The following RBFOX1 variants were observed in gnomAD, a reference collection of about 807,000 sequenced individuals.
RBFOX1 encodes the protein RNA binding protein fox-1 homolog 1.
Under a neutral mutation model 57.7 loss-of-function variants are expected in RBFOX1, and 8 were observed. The observed-to-expected ratio is 0.14, with a 90% CI of 0.08 to 0.25. The LOEUF (loss-of-function observed/expected upper bound fraction) is 0.25. Ranked by LOEUF, RBFOX1 falls within the 10% of genes least tolerant of loss-of-function variation. The probability of loss-of-function intolerance (pLI) is 1.00; values close to 1 mark genes in which losing one functional copy is unlikely to be tolerated. For synonymous variants in RBFOX1, 326 were observed against 222.4 expected, an observed-to-expected ratio of 1.47 and a Z score of -4.15; for missense variants, 611 against 548.5, an observed-to-expected ratio of 1.11 and a Z score of -1.14.
At chr16:6,100,397 C>A (rs1176382826) in intron 1 of RBFOX1, among the ~76,000 whole-genome samples, 2 of 152,208 alleles carry the variant, frequency 1.3e-5, no homozygotes, top group Admixed American at 1.3e-4. Context: ...TTCCTGACCG[C>A]GTGATCCGCC....
chr16:7,016,571 G>A (rs1376243213), intron 3 of RBFOX1, among the ~76,000 whole-genome samples: 2 of 152,152 alleles, frequency 1.3e-5, no homozygotes, highest in African/African-American at 2.4e-5. Flanking sequence ...ATCATCTCAC[G>A]TAATTCCTCC....
chr16:5,777,608 C>T (rs1287075451), intron 3 of RBFOX1, among the ~76,000 whole-genome samples: 1 of 152,134 alleles, frequency 6.6e-6, no homozygotes, highest in Non-Finnish European at 1.5e-5. Flanking sequence ...CTCAACCTTC[C>T]TGAGTCTGAG....
intron 4 of RBFOX1, among the ~76,000 whole-genome samples, chr16:5,913,902 C>G (rs971873174): frequency 3.3e-5 from 5 of 152,216 alleles, no homozygotes; most frequent in Admixed American, 1.3e-4. Flanking sequence ...TTTACACCAA[C>G]GCTAAGAGGT....
At chr16:7,052,386 A>G (rs927106204) in intron 4 of RBFOX1, among the ~76,000 whole-genome samples, 1 of 152,212 alleles carries the variant, frequency 6.6e-6, no homozygotes, top group African/African-American at 2.4e-5. Context: ...TTTATGTACA[A>G]CACGAGGTCT....
chr16:7,407,435 C>G (rs548362819), intron 4 of RBFOX1, among the ~76,000 whole-genome samples: 1 of 151,664 alleles, frequency 6.6e-6, no homozygotes, highest in East Asian at 1.9e-4. Context: ...GAATGGCACA[C>G]AGCAAAAAGA....
intron 1 of RBFOX1, chr16:5,260,536 T>A (rs1271061848): frequency 6.6e-6 from 1 of 152,210 alleles, no homozygotes; most frequent in Admixed American, 6.5e-5. Context: ...TTAGCAAAAA[T>A]CAGTTTCTAG....
intron 3 of RBFOX1, among the ~76,000 whole-genome samples, chr16:6,816,195 C>T (rs2090029768): frequency 6.6e-6 from 1 of 152,072 alleles, no homozygotes; most frequent in South Asian, 2.1e-4. Flanking sequence ...CTTGTAATCC[C>T]AGCTCCTTTG....
intron 4 of RBFOX1, among the ~76,000 whole-genome samples, chr16:7,075,365 A>G (rs1469004110): frequency 6.6e-6 from 1 of 152,236 alleles, no homozygotes; most frequent in Non-Finnish European, 1.5e-5. Flanking sequence ...TTGGGAAGTC[A>G]AAAACTTTCA....
intron 2 of RBFOX1, among the ~76,000 whole-genome samples, chr16:5,482,331 A>C (rs892383746): frequency 6.6e-6 from 1 of 151,958 alleles, no homozygotes; most frequent in Non-Finnish European, 1.5e-5. Flanking sequence ...CGGTACTGGG[A>C]GGTAGAGACT....
chr16:6,193,391 ACTATATATATAT>A (rs2097156906), intron 1 of RBFOX1, among the ~76,000 whole-genome samples: 1 of 15,744 alleles, frequency 6.4e-5, no homozygotes, highest in African/African-American at 1.2e-4. Flanking sequence ...ATATATATAT[ACTATATATATAT>A]ATATATATAT....
chr16:5,675,822 C>T (rs2050151290), intron 3 of RBFOX1, among the ~76,000 whole-genome samples: 1 of 152,152 alleles, frequency 6.6e-6, no homozygotes, highest in Non-Finnish European at 1.5e-5. Flanking sequence ...CTGGAAGTTG[C>T]AGCAGACATT....
chr16:6,717,008 C>G (rs2064963162), intron 3 of RBFOX1, among the ~76,000 whole-genome samples: 1 of 152,160 alleles, frequency 6.6e-6, no homozygotes, highest in Non-Finnish European at 1.5e-5. Context: ...GAAGAGCTTG[C>G]TTTCTCTCTT....
intron 1 of RBFOX1, among the ~76,000 whole-genome samples, chr16:5,328,064 G>T (rs28564317): frequency 6.6e-6 from 1 of 152,190 alleles, no homozygotes; most frequent in Admixed American, 6.5e-5. Flanking sequence ...TTGCTTAGGA[G>T]TCCAGGCACC....
intron 3 of RBFOX1, among the ~76,000 whole-genome samples, chr16:6,681,333 A>C (rs1253891754): frequency 6.6e-6 from 1 of 152,150 alleles, no homozygotes; most frequent in African/African-American, 2.4e-5. Context: ...AAAACAAAAA[A>C]ATATATTTTG....
intron 3 of RBFOX1, among the ~76,000 whole-genome samples, chr16:7,041,624 C>T (rs576636565): frequency 6.6e-5 from 10 of 152,238 alleles, no homozygotes; most frequent in African/African-American, 2.2e-4. Flanking sequence ...TCGAAACAGT[C>T]AGTACCAATT....
At chr16:5,407,423 G>T (rs956345662) in intron 1 of RBFOX1, among the ~76,000 whole-genome samples, 3 of 152,166 alleles carry the variant, frequency 2.0e-5, no homozygotes, top group African/African-American at 7.2e-5. Flanking sequence ...AACAAGAGCA[G>T]AGGCCCTGTG....
chr16:6,015,777 G>A (rs2094990040), upstream of RBFOX1, among the ~76,000 whole-genome samples: 1 of 152,148 alleles, frequency 6.6e-6, no homozygotes, highest in African/African-American at 2.4e-5. Context: ...CTGACCTTCT[G>A]CCCTTCTGCC....
chr16:7,428,145 T>TG (rs1238966518), intron 4 of RBFOX1, among the ~76,000 whole-genome samples: 2 of 152,180 alleles, frequency 1.3e-5, no homozygotes, highest in Non-Finnish European at 2.9e-5. Flanking sequence ...TGTTATGTGA[T>TG]GGATGTATCA....
At chr16:5,878,993 C>G (rs1236175229) in intron 4 of RBFOX1, among the ~76,000 whole-genome samples, 1 of 152,162 alleles carries the variant, frequency 6.6e-6, no homozygotes, top group Non-Finnish European at 1.5e-5. Flanking sequence ...GTTACATTTT[C>G]TACTTTTGCC....
Sources: allele counts gnomAD v4.1 joint callset (sites outside exome capture counted in the v4.1 genomes callset), GRCh38; gene constraint gnomAD v4.1.1; transcripts MANE v1.5; gene names NCBI Gene and HGNC (gene_info 2026-07-23, HGNC 2026-07-21).